Variants in ERBB4 observed in about 807,000 individuals in gnomAD.
The protein encoded by ERBB4 is erb-b2 receptor tyrosine kinase 4, also known as receptor tyrosine-protein kinase erbB-4.
Under a neutral mutation model 158.0 loss-of-function variants are expected in ERBB4, and 42 were observed. The ratio of observed to expected loss-of-function variants is 0.27; its 90% CI spans 0.21 to 0.34. The LOEUF (loss-of-function observed/expected upper bound fraction) is 0.34. Ranked by LOEUF, ERBB4 falls within the 10% of genes least tolerant of loss-of-function variation. The pLI is 1.00. For synonymous variants in ERBB4, 583 were observed against 558.7 expected (o/e 1.04, Z -0.61); for missense variants, 1,333 against 1,624.1 (o/e 0.82, Z 3.08).
At chr2:212,329,282 C>T (rs1406266273) in intron 1 of ERBB4, among the ~76,000 whole-genome samples, 1 of 151,794 alleles carries the variant, frequency 6.6e-6, no homozygotes, top group African/African-American at 2.4e-5. Context: ...CAGGATAATT[C>T]ACACTTACTT....
intron 1 of ERBB4, among the ~76,000 whole-genome samples, chr2:212,201,701 C>G (rs16847876): frequency 0.018 from 2,745 of 152,110 alleles, 89 homozygotes; most frequent in African/African-American, 0.063. Context: ...TCATTCTGTC[C>G]TCTCTGGATA....
At chr2:211,810,943 G>C (rs528464463) in intron 3 of ERBB4, among the ~76,000 whole-genome samples, 1 of 152,006 alleles carries the variant, frequency 6.6e-6, no homozygotes, top group Non-Finnish European at 1.5e-5. Context: ...CAAAGTGCTG[G>C]GATTACAGGC....
intron 19 of ERBB4, among the ~76,000 whole-genome samples, chr2:211,574,048 T>C (rs1384865337): frequency 2.0e-5 from 3 of 152,210 alleles, no homozygotes; most frequent in East Asian, 1.9e-4. Context: ...GCCTAGTAGA[T>C]ACTTAAAATG....
intron 20 of ERBB4, among the ~76,000 whole-genome samples, chr2:211,553,197 G>A (rs986996840): frequency 4.0e-5 from 6 of 151,886 alleles, no homozygotes; most frequent in South Asian, 4.2e-4. Flanking sequence ...TCGAACTTCC[G>A]ACCTCACGTG....
intron 19 of ERBB4, among the ~76,000 whole-genome samples, chr2:211,590,061 C>T (rs2068413920): frequency 6.6e-6 from 1 of 151,974 alleles, no homozygotes; most frequent in Non-Finnish European, 1.5e-5. Context: ...ATAGGATGAA[C>T]ATATTAACAG....
intron 1 of ERBB4, among the ~76,000 whole-genome samples, chr2:212,501,347 G>A (rs1690876384): frequency 6.6e-6 from 1 of 152,056 alleles, no homozygotes; most frequent in Non-Finnish European, 1.5e-5. Context: ...ATGTATAACA[G>A]AATTAGAATG....
intron 1 of ERBB4, among the ~76,000 whole-genome samples, chr2:212,239,214 T>C (rs1348353038): frequency 3.3e-5 from 5 of 152,098 alleles, no homozygotes; most frequent in Non-Finnish European, 7.4e-5. Context: ...CCTGGCTATA[T>C]TTTTTTATTT....
intron 3 of ERBB4, among the ~76,000 whole-genome samples, chr2:211,906,679 T>C (rs890014679): frequency 2.0e-5 from 3 of 151,498 alleles, no homozygotes; most frequent in African/African-American, 7.3e-5. Flanking sequence ...AATATTTATT[T>C]TTTTTCTGAT....
chr2:212,372,903 T>A (rs2090137917), intron 1 of ERBB4, among the ~76,000 whole-genome samples: 1 of 152,142 alleles, frequency 6.6e-6, no homozygotes, highest in Admixed American at 6.6e-5. Context: ...ATTCACCCAA[T>A]CATCATCTCT....
chr2:212,424,617 T>G (rs1368785397), intron 1 of ERBB4, among the ~76,000 whole-genome samples: 1 of 152,146 alleles, frequency 6.6e-6, no homozygotes, highest in Non-Finnish European at 1.5e-5. Context: ...AGTTGATGTC[T>G]TACTGGAGCA....
At chr2:211,997,298 T>C (rs1299310060) in intron 2 of ERBB4, among the ~76,000 whole-genome samples, 4 of 152,136 alleles carry the variant, frequency 2.6e-5, no homozygotes, top group Non-Finnish European at 5.9e-5. Context: ...CCTCAACTTC[T>C]ATTATGTTTC....
chr2:212,021,742 A>ATT (rs1413387586), intron 2 of ERBB4, among the ~76,000 whole-genome samples: 2 of 152,168 alleles, frequency 1.3e-5, no homozygotes, highest in African/African-American at 4.8e-5. Context: ...TAAACTAAAA[A>ATT]GCTTCTGCAA....
At chr2:212,095,878 T>C (rs2078915365) in intron 2 of ERBB4, among the ~76,000 whole-genome samples, 1 of 142,696 alleles carries the variant, frequency 7.0e-6, no homozygotes, top group Admixed American at 7.6e-5. Flanking sequence ...GAGCTTGCAG[T>C]GAGCCGAGAT....
At position 212,471,220 on chromosome 2, in the gene ERBB4, T is replaced by C. The variant is rs572188220; in HGVS notation, c.82+67229A>G. 5.4e-4 allele frequency among the ~76,000 whole-genome samples: 82 copies of C among 152,048 alleles called. 1 individual carries two copies. The highest frequency in any genetic ancestry group is 9.3e-4 in the Non-Finnish European group (63 of 67,894). On this transcript the variant is annotated intron_variant, in intron 1 of 27. Transcript: ENST00000342788. Reference sequence around the variant, plus strand: ...ATCAAAATTAATATCTTACAATCCATTTCATATTGGAGAAATGTTCTAACT... The same window carrying C: ...ATCAAAATTAATATCTTACAATCCACTTCATATTGGAGAAATGTTCTAACT...
At chr2:211,455,806 C>A (rs1206110186) in intron 20 of ERBB4, among the ~76,000 whole-genome samples, 1 of 152,124 alleles carries the variant, frequency 6.6e-6, no homozygotes, top group African/African-American at 2.4e-5. Context: ...TTCTTCGTGT[C>A]CTCTCAAATG....
chr2:211,546,878 C>A (rs568930728), intron 20 of ERBB4, among the ~76,000 whole-genome samples: 1 of 152,138 alleles, frequency 6.6e-6, no homozygotes, highest in South Asian at 2.1e-4. Flanking sequence ...AAAAATAAGT[C>A]ATTATTACAA....
intron 3 of ERBB4, among the ~76,000 whole-genome samples, chr2:211,804,461 G>C (rs1454352747): frequency 1.3e-5 from 2 of 152,214 alleles, no homozygotes; most frequent in South Asian, 2.1e-4. Flanking sequence ...AATGAATTGA[G>C]TGACTTTCAG....
chr2:212,120,784 G>A (rs2079723350), intron 2 of ERBB4, among the ~76,000 whole-genome samples: 1 of 152,074 alleles, frequency 6.6e-6, no homozygotes, highest in Admixed American at 6.5e-5. Flanking sequence ...CTTAGAGGAA[G>A]GAAACTGTAA....
intron 25 of ERBB4, among the ~76,000 whole-genome samples, chr2:211,412,695 T>G (rs2063287380): frequency 6.6e-6 from 1 of 151,846 alleles, no homozygotes; most frequent in Non-Finnish European, 1.5e-5. Context: ...GTGGCTCACG[T>G]CTGTAATCCT....
Sources: allele counts gnomAD v4.1 joint callset (sites outside exome capture counted in the v4.1 genomes callset), GRCh38; gene constraint gnomAD v4.1.1; transcripts MANE v1.5; gene names NCBI Gene and HGNC (gene_info 2026-07-23, HGNC 2026-07-21).